NRG1: variants seen among roughly 807,000 people sequenced by gnomAD.
The protein encoded by NRG1 is pro-neuregulin-1, membrane-bound isoform.
Under a neutral mutation model 63.8 loss-of-function variants are expected in NRG1, and 18 were observed. That is an observed-to-expected ratio of 0.28 (90% CI 0.19 to 0.42). NRG1 has a LOEUF of 0.42. NRG1 is among the 10% of genes least tolerant of loss of function. The pLI is 1.00. For missense variants in NRG1, 762 were observed against 814.7 expected, an observed-to-expected ratio of 0.94 and a Z score of 0.79; for synonymous variants, 302 against 301.3, an observed-to-expected ratio of 1.00 and a Z score of -0.02.
At chr8:32,764,490 T>G in exon 12 of NRG1, 1 of 1,210,778 alleles carries the variant, frequency 8.3e-7, no homozygotes, top group Non-Finnish European at 1.1e-6. Flanking sequence ...TATTTTATTT[T>G]AGCAGTTCTG....
At chr8:32,604,835 C>T (rs535422673) in intron 2 of NRG1, among the ~76,000 whole-genome samples, 2 of 151,234 alleles carry the variant, frequency 1.3e-5, no homozygotes, top group South Asian at 2.1e-4. Flanking sequence ...TTATGTGCAA[C>T]AGTAAAACAC....
At chr8:32,575,314 C>T (rs1024120046) in intron 1 of NRG1, among the ~76,000 whole-genome samples, 2 of 152,026 alleles carry the variant, frequency 1.3e-5, no homozygotes, top group Non-Finnish European at 2.9e-5. Context: ...GGTTGGCCTA[C>T]TTCTTCTTTC....
At chr8:32,003,273 G>A (rs777348344) in intron 1 of NRG1, among the ~76,000 whole-genome samples, 1 of 151,998 alleles carries the variant, frequency 6.6e-6, no homozygotes, top group Non-Finnish European at 1.5e-5. Flanking sequence ...GCAGTGATGC[G>A]GGAAATCAGT....
At chr8:32,607,781 T>G (rs1845515141) in intron 3 of NRG1, among the ~76,000 whole-genome samples, 1 of 152,140 alleles carries the variant, frequency 6.6e-6, no homozygotes, top group South Asian at 2.1e-4. Context: ...CTTTTTTACC[T>G]GGCAAGAATA....
exon 12 of NRG1, chr8:32,764,203 G>C: frequency 6.2e-7 from 1 of 1,614,126 alleles, no homozygotes; most frequent in Non-Finnish European, 8.5e-7. Flanking sequence ...AACTCAGAGA[G>C]TGAAACAGAA....
rs74949804 is a variant in NRG1, at chr8:31,950,726, T to C, written c.37+311295T>C. 9.9e-3 allele frequency among the ~76,000 whole-genome samples: 1,509 copies of C among 152,322 alleles called. 25 individuals are homozygous for C. The highest frequency in any genetic ancestry group is 0.035 in the African/African-American group (1,455 of 41,566). Reference sequence around the variant, plus strand: ...TGTGTAAGCTAAACCCTAAATTACATAATATGTTTTCTATCTGTATGCCAT... The same window carrying C: ...TGTGTAAGCTAAACCCTAAATTACACAATATGTTTTCTATCTGTATGCCAT... On this transcript the variant is annotated intron_variant, in intron 1 of 10. Transcript: ENST00000519301.
chr8:31,882,984 A>T (rs1399212302), intron 1 of NRG1, among the ~76,000 whole-genome samples: 5 of 152,188 alleles, frequency 3.3e-5, no homozygotes, highest in Admixed American at 6.6e-5. Context: ...TAGATAAAGC[A>T]GCAACAGGGT....
chr8:32,453,719 TG>T (rs1031681587), intron 1 of NRG1, among the ~76,000 whole-genome samples: 3 of 152,210 alleles, frequency 2.0e-5, no homozygotes, highest in African/African-American at 7.2e-5. Context: ...GCATCGTTGT[TG>T]ATACTCAACT....
intron 1 of NRG1, among the ~76,000 whole-genome samples, chr8:32,248,767 G>A (rs978909911): frequency 6.6e-6 from 1 of 152,010 alleles, no homozygotes; most frequent in African/African-American, 2.4e-5. Context: ...GTAAATCTAA[G>A]TTTAGGAAGA....
chr8:32,151,798 G>A (rs75899227), intron 1 of NRG1, among the ~76,000 whole-genome samples: 6,087 of 152,224 alleles, frequency 0.04, 184 homozygotes, highest in Middle Eastern at 0.092. Flanking sequence ...CTACCTATGA[G>A]GCGCAGTGCC....
At chr8:32,233,563 A>ATATATATAT (rs34593729) in intron 1 of NRG1, among the ~76,000 whole-genome samples, 1,417 of 67,022 alleles carry the variant, frequency 0.021, 22 homozygotes, top group Non-Finnish European at 0.027. Context: ...ATATATATAT[A>ATATATATAT]TTTTTTTTTT....
chr8:32,413,893 T>A (rs1815469429), intron 1 of NRG1, among the ~76,000 whole-genome samples: 1 of 151,512 alleles, frequency 6.6e-6, no homozygotes, highest in Non-Finnish European at 1.5e-5. Context: ...TATAGAAACC[T>A]CCAGGACTCT....
At chr8:31,855,086 C>A (rs920813651) in intron 1 of NRG1, among the ~76,000 whole-genome samples, 5 of 152,008 alleles carry the variant, frequency 3.3e-5, no homozygotes, top group African/African-American at 1.2e-4. Context: ...AATGTATATT[C>A]TGTTGATTTG....
chr8:32,229,592 T>A (rs1466212624), intron 1 of NRG1, among the ~76,000 whole-genome samples: 2 of 152,086 alleles, frequency 1.3e-5, no homozygotes, highest in Admixed American at 6.6e-5. Flanking sequence ...ATCTCTCTCT[T>A]ATGACCTTTT....
chr8:31,808,199 T>C (rs1290158177), intron 1 of NRG1, among the ~76,000 whole-genome samples: 1 of 152,094 alleles, frequency 6.6e-6, no homozygotes, highest in African/African-American at 2.4e-5. Flanking sequence ...TATCAGGTTG[T>C]ATATTTACAT....
chr8:32,085,075 C>T (rs1207176768), intron 1 of NRG1, among the ~76,000 whole-genome samples: 2 of 152,192 alleles, frequency 1.3e-5, no homozygotes, highest in South Asian at 2.1e-4. Context: ...TCGCCAGAAA[C>T]CCCTTGCCCT....
chr8:32,218,047 A>G (rs552506876), intron 1 of NRG1, among the ~76,000 whole-genome samples: 3 of 152,362 alleles, frequency 2.0e-5, no homozygotes, highest in African/African-American at 7.2e-5. Flanking sequence ...TTGAAAAATG[A>G]TGGATAGTTA....
At chr8:32,607,271 A>T (rs1421495738) in intron 3 of NRG1, among the ~76,000 whole-genome samples, 3 of 152,166 alleles carry the variant, frequency 2.0e-5, no homozygotes, top group African/African-American at 4.8e-5. Flanking sequence ...TAAAAAATTA[A>T]TTTTAATGGG....
intron 1 of NRG1, among the ~76,000 whole-genome samples, chr8:31,686,186 A>G (rs1808873098): frequency 6.6e-6 from 1 of 152,340 alleles, no homozygotes; most frequent in East Asian, 1.9e-4. Flanking sequence ...ATTTTACATA[A>G]AATCTGTCTC....
Sources: gnomAD v4.1 joint callset for allele counts (sites outside exome capture counted in the v4.1 genomes callset) on GRCh38, gnomAD v4.1.1 for gene constraint, MANE v1.5 for transcripts, NCBI Gene and HGNC (gene_info 2026-07-23, HGNC 2026-07-21) for gene names.